IGF1: variants seen among roughly 807,000 people sequenced by gnomAD.
IGF1 encodes the protein insulin-like growth factor 1.
A neutral mutation model predicts 13.8 loss-of-function variants in IGF1; 4 were observed. The observed-to-expected ratio is 0.29, with a 90% CI of 0.14 to 0.66. The LOEUF is 0.66. IGF1 is among the 30% of genes least tolerant of loss of function. The pLI, the probability that IGF1 is intolerant of heterozygous loss-of-function variation, is 0.78. For missense variants in IGF1, 124 were observed against 188.5 expected, an observed-to-expected ratio of 0.66 and a Z score of 2.00; for synonymous variants, 76 against 72.6, an observed-to-expected ratio of 1.05 and a Z score of -0.23.
intron 2 of IGF1, 57 bp downstream of exon 2, chr12:102,475,586 T>C (rs1400260763): frequency 6.3e-7 from 1 of 1,592,002 alleles, no homozygotes; most frequent in African/African-American, 1.3e-5. Flanking sequence ...CGGTTGTAAA[T>C]CCACAGAGCT....
intron 2 of IGF1, among the ~76,000 whole-genome samples, chr12:102,456,202 A>G (rs1592810434): frequency 7.0e-6 from 1 of 142,028 alleles, no homozygotes; most frequent in Non-Finnish European, 1.5e-5. Context: ...AACTTATTCA[A>G]TTTTTTCCAT....
Position 102,419,583 on chromosome 12 carries a change from C to A in IGF1, c.328G>T (p.Ala110Ser). The part of the protein sequence containing the change: ...CDLRRLEMYC[A>S]PLKPAKSARS... Reference sequence around the variant, plus strand: ...GCTGACTTGGCAGGCTTGAGGGGTGCGCAATACATCTCCAGCCTCCTTAGA... The same window carrying A: ...GCTGACTTGGCAGGCTTGAGGGGTGAGCAATACATCTCCAGCCTCCTTAGA... The change falls in exon 3 of 4, where the codon GCA (alanine) becomes TCA (serine). Residue 110 changes from alanine to serine, a missense_variant. Coordinates refer to ENST00000337514, the MANE Select transcript of IGF1 (RefSeq NM_000618.5). The A allele has an allele frequency of 6.2e-7, 1 of 1,613,832 alleles. No homozygotes were observed.
intron 2 of IGF1, among the ~76,000 whole-genome samples, chr12:102,471,526 G>C (rs138968790): frequency 5.3e-4 from 80 of 152,260 alleles, no homozygotes; most frequent in African/African-American, 1.7e-3. Context: ...TCATTGTAAA[G>C]TTTCACTTAA....
intron 2 of IGF1, among the ~76,000 whole-genome samples, chr12:102,435,077 T>C (rs1195018379): frequency 1.3e-5 from 2 of 152,244 alleles, no homozygotes; most frequent in African/African-American, 4.8e-5. Context: ...ACATAGAATT[T>C]ACATTATATT....
intron 2 of IGF1, among the ~76,000 whole-genome samples, chr12:102,469,137 C>T (rs1375341669): frequency 6.6e-6 from 1 of 152,138 alleles, no homozygotes; most frequent in African/African-American, 2.4e-5. Context: ...GCAAAGGTGG[C>T]GGTCTTGCAT....
chr12:102,460,079 A>G (rs1879776800), intron 2 of IGF1, among the ~76,000 whole-genome samples: 1 of 152,224 alleles, frequency 6.6e-6, no homozygotes, highest in East Asian at 1.9e-4. Flanking sequence ...AAAAACTGCC[A>G]CTCAAGAATG....
At chr12:102,444,246 T>TC (rs1453696595) in intron 2 of IGF1, among the ~76,000 whole-genome samples, 1 of 151,536 alleles carries the variant, frequency 6.6e-6, no homozygotes, top group East Asian at 1.9e-4. Flanking sequence ...ACACCCAATT[T>TC]CCTTTTTTTT....
intron 2 of IGF1, among the ~76,000 whole-genome samples, chr12:102,455,709 G>A (rs1879330358): frequency 6.6e-6 from 1 of 152,178 alleles, no homozygotes; most frequent in South Asian, 2.1e-4. Flanking sequence ...TCCCCATCCT[G>A]TCATCCTAGC....
chr12:102,460,046 A>C (rs1879771979), intron 2 of IGF1, among the ~76,000 whole-genome samples: 1 of 152,246 alleles, frequency 6.6e-6, no homozygotes, highest in Non-Finnish European at 1.5e-5. Context: ...GCAAGGGCAC[A>C]CACTTCACAT....
intron 1 of IGF1, among the ~76,000 whole-genome samples, chr12:102,478,075 G>C (rs1881178223): frequency 6.8e-6 from 1 of 146,496 alleles, no homozygotes; most frequent in South Asian, 2.1e-4. Flanking sequence ...AGAACCTCTA[G>C]TGCATTTTCC....
At position 102,399,928 on chromosome 12, in the gene IGF1, T is replaced by G. The variant is rs1214663519; in HGVS notation, c.*2579A>C. The G allele has an allele frequency of 1.3e-5, 2 of 152,216 alleles. No homozygotes were observed. Among genetic ancestry groups the G allele is most frequent in the Admixed American group, 6.5e-5 (1 of 15,274 alleles). 9.4% of individuals were successfully genotyped at this position (152,216 alleles called of 1,614,324 possible). ...AGTATCTTATTCCACAGAACCTGTA[T>G]GTCTGGAAAACAGGCAGAGGGCAAA... On this transcript the variant is annotated 3_prime_UTR_variant, in exon 4 of 4. Coordinates refer to ENST00000337514, the MANE Select transcript of IGF1 (RefSeq NM_000618.5).
At chr12:102,448,506 A>G in intron 2 of IGF1, among the ~76,000 whole-genome samples, 1 of 127,206 alleles carries the variant, frequency 7.9e-6, no homozygotes, top group South Asian at 2.7e-4. Context: ...ACATGGACAC[A>G]GGAAGGGGAA....
Position 102,419,559 on chromosome 12 carries a change from C to G in IGF1, c.352G>C (p.Ala118Pro), listed in dbSNP as rs151098426. ...TGGCGCTGGGCACGGACAGAGCGAG[C>G]TGACTTGGCAGGCTTGAGGGGTGCG... The part of the protein sequence containing the change: ...YCAPLKPAKS[A>P]RSVRAQRHTD... Residue 118 changes from alanine (A) to proline (P), a missense_variant, in exon 3 of 4, where the codon GCT (alanine) becomes CCT (proline). By Grantham distance (27) the Ala-to-Pro change is conservative (BLOSUM62 -1). Transcript: ENST00000337514. 13 of 1,613,808 alleles carry G rather than the reference C, an allele frequency of 8.1e-6. No individual in the cohort carries two copies. The highest frequency in any genetic ancestry group is 1.7e-5 in the Admixed American group (1 of 59,988).
At position 102,425,971 on chromosome 12, in the gene IGF1, G is replaced by A. The variant is rs1053759554; in HGVS notation, c.221-6281C>T. Among the ~76,000 whole-genome samples the A allele has an allele frequency of 3.3e-5, 5 of 152,220 alleles. No individual in the cohort carries two copies. In the East Asian group the frequency reaches 5.8e-4, roughly 18 times the overall value. ...TAAGGGAATGGTTTGGTTTATCAAC[G>A]TCTAAGGTGAAAGATAATCAAATGC... On this transcript the variant is annotated intron_variant, in intron 2 of 3. Coordinates refer to ENST00000337514, the MANE Select transcript of IGF1 (RefSeq NM_000618.5).
intron 2 of IGF1, among the ~76,000 whole-genome samples, chr12:102,451,833 T>C (rs1179906094): frequency 2.6e-5 from 4 of 152,062 alleles, no homozygotes; most frequent in African/African-American, 7.2e-5. Context: ...GGGAGGGACC[T>C]GGTGGGAGGT....
intron 2 of IGF1, chr12:102,462,809 G>A (rs1880014518): frequency 6.6e-6 from 1 of 152,192 alleles, no homozygotes; most frequent in South Asian, 2.1e-4. Context: ...GGAATTATAA[G>A]GTGAATGCAA....
rs1460708461 is a variant in IGF1, at chr12:102,451,769, T to TTTG, written c.220+23871_220+23873dup. Reference sequence around the variant, plus strand: ...TCAGTTTGGTTCAGTGTTGACAGGGTTTGGCTGTGTCCCCACCCAAATCTC... The same window carrying TTTG: ...TCAGTTTGGTTCAGTGTTGACAGGGTTTGTTGGCTGTGTCCCCACCCAAATCTC... On this transcript the variant is annotated intron_variant, in intron 2 of 3. Coordinates refer to ENST00000337514, the MANE Select transcript of IGF1 (RefSeq NM_000618.5). Among the ~76,000 whole-genome samples the TTTG allele has an allele frequency of 4.6e-5, 7 of 152,148 alleles. No homozygotes were observed. In the East Asian group the frequency reaches 7.8e-4, roughly 17 times the overall value.
chr12:102,423,689 G>A (rs953530819), intron 2 of IGF1, among the ~76,000 whole-genome samples: 10 of 152,178 alleles, frequency 6.6e-5, no homozygotes, highest in Non-Finnish European at 1.3e-4. Flanking sequence ...CATGGTCGGG[G>A]AGTAATTCAA....
At chr12:102,418,776 A>G (rs891928899) in intron 3 of IGF1, among the ~76,000 whole-genome samples, 2 of 152,208 alleles carry the variant, frequency 1.3e-5, no homozygotes, top group African/African-American at 4.8e-5. Context: ...TGTTTTATGT[A>G]CTACTGATGG....
Sources: gnomAD v4.1 joint callset for allele counts (sites outside exome capture counted in the v4.1 genomes callset) on GRCh38, gnomAD v4.1.1 for gene constraint, MANE v1.5 for transcripts, NCBI Gene and HGNC (gene_info 2026-07-23, HGNC 2026-07-21) for gene names.